NAA25: variants seen among roughly 807,000 people sequenced by gnomAD.
The protein encoded by NAA25 is N-terminal acetyltransferase B complex subunit NAA25.
In NAA25, 30 loss-of-function variants were observed where a neutral mutation model predicts 132.5. That is an observed-to-expected ratio of 0.23 (90% CI 0.17 to 0.31). The LOEUF is 0.31. NAA25 is among the 10% of genes least tolerant of loss of function. The pLI is 1.00. For missense variants in NAA25, 771 were observed against 1,150.4 expected, an observed-to-expected ratio of 0.67 and a Z score of 4.77; for synonymous variants, 359 against 401.9, an observed-to-expected ratio of 0.89 and a Z score of 1.28.
intron 1 of NAA25, among the ~76,000 whole-genome samples, chr12:112,099,153 AT>A (rs928249096): frequency 2.0e-5 from 3 of 151,444 alleles, no homozygotes; most frequent in African/African-American, 7.3e-5. Context: ...CACCCAGCTA[AT>A]TTTTTTTGTA....
At chr12:112,062,986 G>C (rs886300856) in intron 11 of NAA25, among the ~76,000 whole-genome samples, 5 of 152,050 alleles carry the variant, frequency 3.3e-5, no homozygotes, top group Non-Finnish European at 5.9e-5. Context: ...CTTGAGCCCA[G>C]GAGTTTGAGC....
intron 5 of NAA25, among the ~76,000 whole-genome samples, chr12:112,079,082 C>G (rs2078934053): frequency 6.6e-6 from 1 of 152,100 alleles, no homozygotes; most frequent in Non-Finnish European, 1.5e-5. Context: ...AAGAGGAAAG[C>G]CTTCCAGGTA....
chr12:112,034,931 TATA>T (rs1466891750), intron 22 of NAA25: 1 of 151,952 alleles, frequency 6.6e-6, no homozygotes, highest in Non-Finnish European at 1.5e-5. Flanking sequence ...AATTCATCAA[TATA>T]ATTATAGCAT....
intron 10 of NAA25, among the ~76,000 whole-genome samples, chr12:112,071,409 A>G (rs1480530708): frequency 6.6e-6 from 1 of 152,110 alleles, no homozygotes; most frequent in Non-Finnish European, 1.5e-5. Flanking sequence ...TCAGATCACT[A>G]TAACCTCTGC....
chr12:112,097,765 G>A (rs1451455669), intron 1 of NAA25, among the ~76,000 whole-genome samples: 2 of 152,086 alleles, frequency 1.3e-5, no homozygotes, highest in African/African-American at 4.8e-5. Flanking sequence ...AGCTTGGTGT[G>A]GCTACAAAAG....
At chr12:112,086,910 C>G (rs911475571) in intron 4 of NAA25, among the ~76,000 whole-genome samples, 3 of 12,934 alleles carry the variant, frequency 2.3e-4, no homozygotes, top group African/African-American at 1.1e-3. Context: ...ACTCAGGAGG[C>G]TGAGGCAGAA....
At chr12:112,035,049 G>A (rs1477430646) in intron 22 of NAA25, 1 of 151,922 alleles carries the variant, frequency 6.6e-6, no homozygotes, top group East Asian at 1.9e-4. Context: ...AAAACAAAAA[G>A]GCAAGTTACA....
intron 11 of NAA25, among the ~76,000 whole-genome samples, chr12:112,066,704 C>T (rs1188497563): frequency 6.6e-6 from 1 of 152,120 alleles, no homozygotes; most frequent in African/African-American, 2.4e-5. Context: ...GCCCTATAAC[C>T]ACAGCAACTC....
intron 11 of NAA25, chr12:112,065,531 T>C (rs1172576995): frequency 2.0e-5 from 3 of 148,772 alleles, no homozygotes; most frequent in Non-Finnish European, 4.4e-5. Context: ...GGGGTGGTGA[T>C]GGACGTCTGT....
intron 15 of NAA25, among the ~76,000 whole-genome samples, chr12:112,050,804 G>A (rs780975552): frequency 3.9e-4 from 60 of 152,130 alleles, no homozygotes; most frequent in Non-Finnish European, 7.4e-4. Flanking sequence ...CTATTCCAAA[G>A]TAAGATGACA....
rs147960275 is a variant in NAA25 at position 112,063,137 on chromosome 12, T to C, written c.1150-1749A>G. 8.0e-4 allele frequency among the ~76,000 whole-genome samples: 122 copies of C among 151,766 alleles called. 1 individual carries two copies. The highest frequency in any genetic ancestry group is 2.9e-3 in the African/African-American group (118 of 41,144). On this transcript the variant is annotated intron_variant, in intron 11 of 23. Coordinates refer to ENST00000261745, the MANE Select transcript of NAA25 (RefSeq NM_024953.4). Reference sequence around the variant, plus strand: ...TAAAAATCATGAAGATTTCAAAAGATACAAGAACAGGTGGTTAAGTAGTAA... The same window carrying C: ...TAAAAATCATGAAGATTTCAAAAGACACAAGAACAGGTGGTTAAGTAGTAA...
intron 22 of NAA25, chr12:112,033,943 T>A (rs1265867500): frequency 6.6e-6 from 1 of 151,614 alleles, no homozygotes; most frequent in African/African-American, 2.4e-5. Flanking sequence ...CCAAGAAACA[T>A]GTGATACAAC....
At chr12:112,036,876 CGTGTGTGT>C (rs146916262) in intron 22 of NAA25, among the ~76,000 whole-genome samples, 9 of 148,290 alleles carry the variant, frequency 6.1e-5, no homozygotes, top group South Asian at 4.3e-4. Context: ...ACTGTGTGTG[CGTGTGTGT>C]GTGTGTGTGC....
intron 4 of NAA25, among the ~76,000 whole-genome samples, chr12:112,085,373 CAGAG>C (rs1198898753): frequency 1.3e-5 from 2 of 152,004 alleles, no homozygotes; most frequent in African/African-American, 2.4e-5. Flanking sequence ...GCCTGGGTGA[CAGAG>C]AGAGTCTGTC....
At chr12:112,045,333 T>C (rs1435715380) in intron 17 of NAA25, among the ~76,000 whole-genome samples, 1 of 149,396 alleles carries the variant, frequency 6.7e-6, no homozygotes, top group African/African-American at 2.5e-5. Flanking sequence ...CTATTAAAAA[T>C]ACAAAAAAAA....
At chr12:112,043,525 A>C in intron 18 of NAA25, 100 bp downstream of exon 18, 1 of 1,376,068 alleles carries the variant, frequency 7.3e-7, no homozygotes, top group Admixed American at 2.1e-5. Context: ...AAACTGGGAC[A>C]AAACAATTCC....
chr12:112,067,633 C>CCAG, intron 11 of NAA25, among the ~76,000 whole-genome samples: 1 of 151,984 alleles, frequency 6.6e-6, no homozygotes, highest in Middle Eastern at 3.4e-3. Flanking sequence ...TCACTGGAAC[C>CCAG]CAGGAGGTAG....
intron 1 of NAA25, among the ~76,000 whole-genome samples, chr12:112,100,329 T>C (rs541738707): frequency 1.3e-5 from 2 of 152,056 alleles, no homozygotes; most frequent in African/African-American, 4.8e-5. Context: ...GCCTGGCTAA[T>C]TTTTTTGTAT....
intron 13 of NAA25, among the ~76,000 whole-genome samples, chr12:112,055,921 CG>C (rs1050490848): frequency 6.6e-6 from 1 of 152,020 alleles, no homozygotes; most frequent in African/African-American, 2.4e-5. Flanking sequence ...AAAGATAGGC[CG>C]GGCATAGTAG....
Sources: gnomAD v4.1 joint callset for allele counts (sites outside exome capture counted in the v4.1 genomes callset) on GRCh38, gnomAD v4.1.1 for gene constraint, MANE v1.5 for transcripts, NCBI Gene and HGNC (gene_info 2026-07-23, HGNC 2026-07-21) for gene names.